ZNF804B: variants seen among roughly 807,000 people sequenced by gnomAD.
ZNF804B encodes zinc finger protein 804B.
Under a neutral mutation model 101.4 loss-of-function variants are expected in ZNF804B, and 80 were observed. The observed-to-expected ratio is 0.79, with a 90% CI of 0.66 to 0.95. ZNF804B has a LOEUF of 0.95. ZNF804B is among the 40% of genes least tolerant of loss of function. The probability of loss-of-function intolerance (pLI) is 0.00; values close to 1 mark genes in which losing one functional copy is unlikely to be tolerated. For missense variants in ZNF804B, 1,673 were observed against 1,561.9 expected, an observed-to-expected ratio of 1.07 and a Z score of -1.20; for synonymous variants, 622 against 558.8, an observed-to-expected ratio of 1.11 and a Z score of -1.59.
intron 2 of ZNF804B, among the ~76,000 whole-genome samples, chr7:89,263,325 G>T (rs1009328145): frequency 3.3e-5 from 5 of 151,066 alleles, no homozygotes; most frequent in African/African-American, 9.8e-5. Context: ...ACCAGTTAAT[G>T]TTTTATTTTA....
At chr7:88,929,143 T>C (rs1284187760) in intron 1 of ZNF804B, among the ~76,000 whole-genome samples, 4 of 151,862 alleles carry the variant, frequency 2.6e-5, no homozygotes, top group Admixed American at 6.6e-5. Flanking sequence ...CTTTATCATA[T>C]ACAGATCTCT....
Position 89,102,124 on chromosome 7 carries a change from G to A in ZNF804B, c.109-116031G>A, listed in dbSNP as rs118020650. 3.1e-3 allele frequency among the ~76,000 whole-genome samples: 477 copies of A among 152,034 alleles called. 5 individuals are homozygous for A. The highest frequency in any genetic ancestry group is 0.013 in the East Asian group (67 of 5,164). On this transcript the variant is annotated intron_variant, in intron 1 of 3. Transcript: ENST00000333190. ...CCATGACTTTGCTATTGTAAATGGT[G>A]CTGTGATAAACATGTGAATGCAGGT...
At chr7:88,843,655 T>C (rs957273776) in intron 1 of ZNF804B, among the ~76,000 whole-genome samples, 2 of 152,064 alleles carry the variant, frequency 1.3e-5, no homozygotes, top group African/African-American at 2.4e-5. Flanking sequence ...GAGAATCACT[T>C]GAACCTGGGA....
At chr7:89,215,743 C>A (rs1333852412) in intron 1 of ZNF804B, among the ~76,000 whole-genome samples, 1 of 151,556 alleles carries the variant, frequency 6.6e-6, no homozygotes, top group South Asian at 2.1e-4. Context: ...ATTAGCCGGG[C>A]GTGGCAGCGG....
intron 1 of ZNF804B, among the ~76,000 whole-genome samples, chr7:89,057,201 C>A (rs896386088): frequency 1.3e-5 from 2 of 152,090 alleles, no homozygotes; most frequent in African/African-American, 4.8e-5. Context: ...AGTCTTATGA[C>A]CCCAGTGTCA....
At chr7:88,913,540 G>A (rs760214457) in intron 1 of ZNF804B, among the ~76,000 whole-genome samples, 4 of 152,116 alleles carry the variant, frequency 2.6e-5, no homozygotes, top group African/African-American at 2.4e-5. Context: ...GATTACAGGT[G>A]CCTGTCACCA....
intron 1 of ZNF804B, among the ~76,000 whole-genome samples, chr7:88,815,726 G>A (rs543785875): frequency 2.5e-4 from 38 of 151,968 alleles, no homozygotes; most frequent in Non-Finnish European, 4.6e-4. Context: ...CCCACACACC[G>A]CACTCGGCTT....
At chr7:89,129,157 G>C (rs1790511143) in intron 1 of ZNF804B, among the ~76,000 whole-genome samples, 1 of 151,978 alleles carries the variant, frequency 6.6e-6, no homozygotes, top group Admixed American at 6.6e-5. Context: ...GATAAATTCA[G>C]GACATCATTT....
At chr7:88,971,456 A>G (rs1404473002) in intron 1 of ZNF804B, among the ~76,000 whole-genome samples, 1 of 151,682 alleles carries the variant, frequency 6.6e-6, no homozygotes. Flanking sequence ...TACAGTTTGT[A>G]TATATATTCT....
intron 2 of ZNF804B, among the ~76,000 whole-genome samples, chr7:89,278,219 TGTTGGA>T (rs200559849): frequency 0.24 from 36,977 of 151,674 alleles, 4,651 homozygotes; most frequent in Non-Finnish European, 0.27. Context: ...CTTGTAAATT[TGTTGGA>T]GTTCATTATA....
chr7:88,918,529 A>C (rs752198283), intron 1 of ZNF804B, among the ~76,000 whole-genome samples: 1 of 152,186 alleles, frequency 6.6e-6, no homozygotes, highest in African/African-American at 2.4e-5. Context: ...AAATGTTTAC[A>C]TCACAATAAA....
intron 2 of ZNF804B, among the ~76,000 whole-genome samples, chr7:89,313,665 T>C (rs767968365): frequency 6.6e-6 from 1 of 152,220 alleles, no homozygotes; most frequent in East Asian, 1.9e-4. Flanking sequence ...TTTGTGTTTT[T>C]AAAATGAACT....
chr7:88,816,779 TTGG>T (rs1177201947), intron 1 of ZNF804B, among the ~76,000 whole-genome samples: 1 of 143,446 alleles, frequency 7.0e-6, no homozygotes, highest in Non-Finnish European at 1.5e-5. Context: ...TTTTATGCTG[TTGG>T]TGGGACTGTA....
chr7:89,138,145 G>C (rs1293706166), intron 1 of ZNF804B, among the ~76,000 whole-genome samples: 1 of 152,106 alleles, frequency 6.6e-6, no homozygotes, highest in African/African-American at 2.4e-5. Context: ...TTGCTGTAGG[G>C]GCAGGGCTTT....
Position 89,162,793 on chromosome 7 carries a change from A to G in ZNF804B, c.109-55362A>G, listed in dbSNP as rs1184356110. The stretch of plus-strand genomic sequence containing the variant: ...AGCATTAGGTATATCTCCCAATGCC[A>G]TCCCTCCCCCCTCCCCCCACCCCAC... On this transcript the variant is annotated intron_variant, in intron 1 of 3. Coordinates refer to ENST00000333190, the MANE Select transcript of ZNF804B (RefSeq NM_181646.5). 4.7e-5 allele frequency among the ~76,000 whole-genome samples: 6 copies of G among 127,996 alleles called. No individual in the cohort carries two copies. The East Asian group carries it at 1.5e-3, about 33-fold the overall frequency. 84.0% of individuals were successfully genotyped at this position (127,996 alleles called of 152,430 possible). A position where few individuals can be genotyped will look rare whatever the true frequency, so the allele number is the denominator to read the frequency against.
intron 2 of ZNF804B, among the ~76,000 whole-genome samples, chr7:89,276,997 A>T (rs1789990940): frequency 6.6e-6 from 1 of 151,388 alleles, no homozygotes; most frequent in Admixed American, 6.6e-5. Flanking sequence ...GTACATCTGG[A>T]ATTTGCTAGC....
chr7:88,952,628 C>T (rs1337383635), intron 1 of ZNF804B, among the ~76,000 whole-genome samples: 2 of 151,664 alleles, frequency 1.3e-5, no homozygotes, highest in Admixed American at 6.6e-5. Flanking sequence ...TTTTTAACAG[C>T]TTTTGTTCTT....
At chr7:89,202,224 T>C (rs1161207190) in intron 1 of ZNF804B, among the ~76,000 whole-genome samples, 3 of 152,118 alleles carry the variant, frequency 2.0e-5, no homozygotes, top group Admixed American at 6.6e-5. Flanking sequence ...GTGAATTCTT[T>C]TATCTTTTGA....
chr7:88,845,264 T>C (rs531314554), intron 1 of ZNF804B, among the ~76,000 whole-genome samples: 2 of 150,696 alleles, frequency 1.3e-5, no homozygotes, highest in Non-Finnish European at 2.9e-5. Context: ...AGCACACACA[T>C]ATGCGCATGT....
Sources: gnomAD v4.1 joint callset for allele counts (sites outside exome capture counted in the v4.1 genomes callset) on GRCh38, gnomAD v4.1.1 for gene constraint, MANE v1.5 for transcripts, NCBI Gene and HGNC (gene_info 2026-07-23, HGNC 2026-07-21) for gene names.